Variants in PRUNE2 observed in about 807,000 individuals in gnomAD.
PRUNE2 encodes protein prune homolog 2.
Under a neutral mutation model 252.0 loss-of-function variants are expected in PRUNE2, and 164 were observed. The observed-to-expected ratio is 0.65, with a 90% CI of 0.57 to 0.74. The LOEUF is 0.74. Ranked by LOEUF, PRUNE2 falls within the 30% of genes least tolerant of loss-of-function variation. The pLI, the probability that PRUNE2 is intolerant of heterozygous loss-of-function variation, is 0.00. For synonymous variants in PRUNE2, 1,292 were observed against 1,350.2 expected, an observed-to-expected ratio of 0.96 and a Z score of 0.94; for missense variants, 3,495 against 3,711.0, an observed-to-expected ratio of 0.94 and a Z score of 1.51.
At position 76,854,087 on chromosome 9, in the gene PRUNE2, A is replaced by AC; in HGVS notation, c.141+16dup. ...AATAATTCAAAATATAAGGAGTATT[A>AC]CCCTTTTTTCCCTCACCTTGTCTAG... On this transcript the variant is annotated intron_variant, in intron 2 of 18. Coordinates refer to ENST00000376718, the MANE Select transcript of PRUNE2 (RefSeq NM_015225.3). 1 of 1,273,282 alleles carries AC rather than the reference A, an allele frequency of 7.9e-7. No individual in the cohort carries two copies. The highest frequency in any genetic ancestry group is 1.1e-6 in the Non-Finnish European group (1 of 881,160). The allele number at this position is 1,273,282 out of a possible 1,614,324, so 78.9% of individuals were successfully genotyped here. A position where few individuals can be genotyped will look rare whatever the true frequency, so the allele number is the denominator to read the frequency against.
At chr9:76,643,181 C>A (rs936541487) in intron 12 of PRUNE2, among the ~76,000 whole-genome samples, 1 of 152,116 alleles carries the variant, frequency 6.6e-6, no homozygotes, top group South Asian at 2.1e-4. Context: ...AACAAGCAGG[C>A]GAGTCTACTG....
chr9:76,712,641 T>C (rs2046826355), intron 7 of PRUNE2, among the ~76,000 whole-genome samples: 2 of 152,350 alleles, frequency 1.3e-5, no homozygotes, highest in African/African-American at 4.8e-5. Flanking sequence ...AAAGCCGCCA[T>C]GTTGTAGGCT....
At chr9:76,807,149 A>C (rs1023602803) in intron 6 of PRUNE2, among the ~76,000 whole-genome samples, 1 of 151,754 alleles carries the variant, frequency 6.6e-6, no homozygotes, top group Non-Finnish European at 1.5e-5. Context: ...CAGCTCCTGC[A>C]GCCTTAAACT....
At chr9:76,835,255 T>C (rs2058891926) in intron 4 of PRUNE2, among the ~76,000 whole-genome samples, 1 of 152,138 alleles carries the variant, frequency 6.6e-6, no homozygotes, top group South Asian at 2.1e-4. Context: ...TAAAGGCGTA[T>C]TCTGCATGAC....
intron 6 of PRUNE2, among the ~76,000 whole-genome samples, chr9:76,724,207 G>A (rs9722950): frequency 0.71 from 103,995 of 147,362 alleles, 37,178 homozygotes; most frequent in East Asian, 0.91. Flanking sequence ...GCTTATAATC[G>A]CAGCACTTTG....
Position 76,705,222 on chromosome 9 carries a change from T to C in PRUNE2, c.7052A>G (p.Asp2351Gly). Residue 2351 changes from aspartate to glycine, a missense_variant, in exon 8 of 19, where the codon GAT becomes GGT. Asp to Gly is a moderately conservative substitution (Grantham distance 94). Transcript: ENST00000376718. Reference protein sequence around the residue: ...DICSSEASWGDFEYDVMGQNI... With the variant: ...DICSSEASWGGFEYDVMGQNI... ...CTGGCCCATTACATCATATTCAAAA[T>C]CACCCCACGAGGCTTCAGATGAGCA... The C allele has an allele frequency of 6.2e-7, 1 of 1,614,016 alleles. No homozygotes were observed. Among genetic ancestry groups the C allele is most frequent in the South Asian group, 1.1e-5 (1 of 91,080 alleles).
intron 9 of PRUNE2, among the ~76,000 whole-genome samples, chr9:76,668,051 G>A (rs184546797): frequency 6.6e-6 from 1 of 152,242 alleles, no homozygotes; most frequent in East Asian, 1.9e-4. Context: ...TTAAAACTGT[G>A]AAGCTCTCAT....
Position 76,705,268 on chromosome 9 carries a change from C to T in PRUNE2, c.7006G>A (p.Asp2336Asn), listed in dbSNP as rs1013166901. 26 of 1,614,020 alleles carry T rather than the reference C, an allele frequency of 1.6e-5. No homozygotes were observed. Among genetic ancestry groups the T allele is most frequent in the Non-Finnish European group, 2.1e-5 (25 of 1,179,886 alleles). The change falls in exon 8 of 19, where the codon GAC (aspartate) becomes AAC (asparagine). Residue 2336 changes from aspartate (D) to asparagine (N), a missense_variant. Coordinates refer to ENST00000376718, the MANE Select transcript of PRUNE2 (RefSeq NM_015225.3). ...GAGCAGATATCTTGCTTCCCTAGGT[C>T]CCCATCAACTGGCGTTTCCGGATGG... Reference protein sequence around the residue: ...EGHPETPVDGDLGKQDICSSE... With the variant: ...EGHPETPVDGNLGKQDICSSE...
Position 76,706,154 on chromosome 9 carries a change from TG to T in PRUNE2, c.6119del (p.Pro2040GlnfsTer33). On this transcript the variant is annotated frameshift_variant, in exon 8 of 19. Coordinates refer to ENST00000376718, the MANE Select transcript of PRUNE2 (RefSeq NM_015225.3). LOFTEE classifies it high-confidence loss of function. ...CAAAGGTACCTCGGGAGTCCTCACT[TG>T]GGGTAGAGCCATCCCATTCAGAGCC... is the stretch of plus-strand genomic sequence containing the variant. ...KPGSEWDGST[P>X]SEDSRGTFVP... 6.2e-7 allele frequency: 1 copy of T among 1,613,992 alleles called. No individual in the cohort carries two copies. Among genetic ancestry groups the T allele is most frequent in the Non-Finnish European group, 8.5e-7 (1 of 1,179,882 alleles).
In PRUNE2 at chr9:76,703,956, C is replaced by T; in HGVS notation, c.7657G>A (p.Val2553Ile). ...RHALHMDYILVNREENSHSKP... is the reference protein window; with the variant it reads ...RHALHMDYILINREENSHSKP... ...GAGTGTGAATTTTCTTCACGGTTTA[C>T]AAGTATGTAATCCATGTGTAGTGCA... The change falls in exon 9 of 19, where the codon GTA becomes ATA. Residue 2553 changes from valine (V) to isoleucine (I), a missense_variant. Physicochemically the swap from Val to Ile is conservative, Grantham distance 29 (BLOSUM62 3). Transcript: ENST00000376718. 6.2e-7 allele frequency: 1 copy of T among 1,613,978 alleles called. No homozygotes were observed. Among genetic ancestry groups the T allele is most frequent in the Non-Finnish European group, 8.5e-7 (1 of 1,179,878 alleles).
Position 76,711,106 on chromosome 9 carries a change from C to T in PRUNE2, c.1168G>A (p.Gly390Ser). 6.2e-7 allele frequency: 1 copy of T among 1,613,918 alleles called. No homozygotes were observed. Reference sequence around the variant, plus strand: ...CTGGGTTGTGGCTCTATGTCAGAACCATACAATTCCATAATCCCAGAAGAC... The same window carrying T: ...CTGGGTTGTGGCTCTATGTCAGAACTATACAATTCCATAATCCCAGAAGAC... The part of the protein sequence containing the change: ...QGSSGIMELY[G>S]SDIEPQPSSV... The change falls in exon 8 of 19, where the codon GGT becomes AGT. Residue 390 changes from glycine (G) to serine (S), a missense_variant. Physicochemically the swap from Gly to Ser is moderately conservative, Grantham distance 56 (BLOSUM62 0). Transcript: ENST00000376718.
intron 12 of PRUNE2, chr9:76,641,992 TA>T: frequency 5.1e-6 from 6 of 1,169,916 alleles, no homozygotes; most frequent in Non-Finnish European, 6.7e-6. Context: ...TATAATGAAA[TA>T]AGAGAAGTAA....
intron 9 of PRUNE2, among the ~76,000 whole-genome samples, chr9:76,691,540 C>T (rs1259892180): frequency 6.6e-6 from 1 of 152,134 alleles, no homozygotes; most frequent in Non-Finnish European, 1.5e-5. Context: ...TGACCTATTT[C>T]TGCAGCTTAA....
chr9:76,727,689 C>A (rs1415574775), intron 6 of PRUNE2, among the ~76,000 whole-genome samples: 1 of 88,198 alleles, frequency 1.1e-5, no homozygotes. Context: ...ATTATTCCAA[C>A]TTAGTTATGG....
intron 6 of PRUNE2, among the ~76,000 whole-genome samples, chr9:76,797,015 A>G (rs1032777130): frequency 6.6e-6 from 1 of 151,114 alleles, no homozygotes; most frequent in Non-Finnish European, 1.5e-5. Context: ...ATTGTTTCCA[A>G]AATGAAATCA....
intron 4 of PRUNE2, among the ~76,000 whole-genome samples, chr9:76,837,446 A>AT (rs2059074943): frequency 1.6e-5 from 1 of 64,306 alleles, no homozygotes; most frequent in East Asian, 7.2e-4. Context: ...GTCTCAAATA[A>AT]TAATAATAAT....
intron 6 of PRUNE2, among the ~76,000 whole-genome samples, chr9:76,810,256 T>G (rs1444087308): frequency 6.6e-6 from 1 of 152,158 alleles, no homozygotes; most frequent in Non-Finnish European, 1.5e-5. Context: ...ATTTATAACA[T>G]GAAAATAATA....
intron 6 of PRUNE2, 21 bp from the exon 7 acceptor site, chr9:76,713,742 T>G: frequency 6.4e-7 from 1 of 1,569,424 alleles, no homozygotes; most frequent in East Asian, 2.3e-5. Context: ...AACAGGAAAT[T>G]TGATATTAAT....
intron 6 of PRUNE2, among the ~76,000 whole-genome samples, chr9:76,716,560 C>T (rs1046483894): frequency 2.0e-5 from 3 of 152,134 alleles, no homozygotes; most frequent in Non-Finnish European, 2.9e-5. Context: ...TTAGGGTGTG[C>T]GTTTCTGGGC....
Sources: allele counts gnomAD v4.1 joint callset (sites outside exome capture counted in the v4.1 genomes callset), GRCh38; gene constraint gnomAD v4.1.1; transcripts MANE v1.5; gene names NCBI Gene and HGNC (gene_info 2026-07-23, HGNC 2026-07-21).